Variants in CACNA2D3 observed in about 807,000 individuals in gnomAD.
CACNA2D3 encodes the protein calcium voltage-gated channel auxiliary subunit alpha2delta 3.
CACNA2D3 carries 60 observed loss-of-function variants against 160.6 expected under a neutral mutation model. That is an observed-to-expected ratio of 0.37 (90% CI 0.30 to 0.46). The LOEUF (loss-of-function observed/expected upper bound fraction) is 0.46, where lower values mean the gene tolerates loss of function less well. Among genes scored for constraint, CACNA2D3 ranks in the 20% least tolerant of loss-of-function variants. CACNA2D3 has a pLI of 1.00. For missense variants in CACNA2D3, 1,205 were observed against 1,365.0 expected, an observed-to-expected ratio of 0.88 and a Z score of 1.85; for synonymous variants, 558 against 492.9, an observed-to-expected ratio of 1.13 and a Z score of -1.75.
intron 4 of CACNA2D3, among the ~76,000 whole-genome samples, chr3:54,458,937 A>T (rs1285302111): frequency 6.6e-6 from 1 of 151,812 alleles, no homozygotes; most frequent in Non-Finnish European, 1.5e-5. Context: ...CCCACCCCAC[A>T]ACAGGCCCCA....
At chr3:54,298,495 T>C (rs1703389326) in intron 2 of CACNA2D3, among the ~76,000 whole-genome samples, 1 of 152,146 alleles carries the variant, frequency 6.6e-6, no homozygotes, top group Non-Finnish European at 1.5e-5. Context: ...ATTAATTCCT[T>C]AGGATTAAGA....
At chr3:54,675,819 C>G (rs1385094965) in intron 11 of CACNA2D3, among the ~76,000 whole-genome samples, 1 of 152,188 alleles carries the variant, frequency 6.6e-6, no homozygotes, top group Non-Finnish European at 1.5e-5. Context: ...AGACCTACAA[C>G]AGGCAGGCCT....
At chr3:54,849,504 A>G (rs1382243761) in intron 17 of CACNA2D3, among the ~76,000 whole-genome samples, 1 of 152,142 alleles carries the variant, frequency 6.6e-6, no homozygotes, top group Non-Finnish European at 1.5e-5. Context: ...GGAGGTTGTA[A>G]ATGACTTGTG....
chr3:54,238,007 C>T (rs1042669987), intron 2 of CACNA2D3, among the ~76,000 whole-genome samples: 3 of 152,166 alleles, frequency 2.0e-5, no homozygotes, highest in Non-Finnish European at 4.4e-5. Flanking sequence ...CTCCCAGTCA[C>T]ATGAAACCTG....
At chr3:54,431,152 C>T (rs972535678) in intron 4 of CACNA2D3, among the ~76,000 whole-genome samples, 2 of 151,832 alleles carry the variant, frequency 1.3e-5, no homozygotes, top group South Asian at 4.2e-4. Context: ...TCCTGGCTAA[C>T]ATGGTGAAAC....
intron 33 of CACNA2D3, among the ~76,000 whole-genome samples, chr3:55,008,577 TCTTAA>T (rs773213647): frequency 1.8e-4 from 27 of 152,152 alleles, no homozygotes; most frequent in East Asian, 1.9e-4. Flanking sequence ...GTCACTGTCC[TCTTAA>T]CTTAATGTAA....
At chr3:54,401,134 A>G (rs1699455300) in intron 4 of CACNA2D3, among the ~76,000 whole-genome samples, 1 of 152,082 alleles carries the variant, frequency 6.6e-6, no homozygotes, top group South Asian at 2.1e-4. Context: ...ATCAGACTAG[A>G]TCAAGCAGAA....
At chr3:54,754,798 G>A (rs1701940624) in intron 12 of CACNA2D3, among the ~76,000 whole-genome samples, 1 of 152,122 alleles carries the variant, frequency 6.6e-6, no homozygotes, top group Non-Finnish European at 1.5e-5. Context: ...GGGTTTGTGG[G>A]TCTTAGCTCC....
intron 2 of CACNA2D3, among the ~76,000 whole-genome samples, chr3:54,210,526 G>C (rs1323567366): frequency 6.6e-6 from 1 of 152,046 alleles, no homozygotes. Flanking sequence ...ATGTGAACTT[G>C]GTAAGGTCAC....
At chr3:54,494,023 C>T (rs899657621) in intron 4 of CACNA2D3, among the ~76,000 whole-genome samples, 1 of 152,214 alleles carries the variant, frequency 6.6e-6, no homozygotes, top group Non-Finnish European at 1.5e-5. Context: ...GTGAACAACA[C>T]ACCCAGTACT....
At chr3:54,786,862 A>G (rs1284485075) in intron 13 of CACNA2D3, among the ~76,000 whole-genome samples, 2 of 152,230 alleles carry the variant, frequency 1.3e-5, no homozygotes, top group Non-Finnish European at 2.9e-5. Flanking sequence ...TGTGGCTCAC[A>G]TGCCCAATAC....
At chr3:54,139,149 G>A (rs1409034869) in intron 2 of CACNA2D3, among the ~76,000 whole-genome samples, 1 of 152,234 alleles carries the variant, frequency 6.6e-6, no homozygotes, top group Non-Finnish European at 1.5e-5. Context: ...AGTTCCAGAG[G>A]ACAGCAGATC....
intron 10 of CACNA2D3, among the ~76,000 whole-genome samples, chr3:54,641,219 A>G (rs1408949153): frequency 2.0e-5 from 3 of 152,344 alleles, no homozygotes; most frequent in Admixed American, 6.5e-5. Context: ...ACAGGCAAAG[A>G]CATAATACAT....
chr3:54,505,394 T>G (rs1046016757), intron 5 of CACNA2D3, among the ~76,000 whole-genome samples: 1 of 152,198 alleles, frequency 6.6e-6, no homozygotes, highest in African/African-American at 2.4e-5. Context: ...TTTTTCTTTT[T>G]TCCTCTTAGA....
intron 9 of CACNA2D3, among the ~76,000 whole-genome samples, chr3:54,612,791 C>T (rs911925739): frequency 1.3e-5 from 2 of 152,162 alleles, no homozygotes; most frequent in African/African-American, 4.8e-5. Context: ...ACCTGCTAAT[C>T]GCCCCATTTA....
intron 2 of CACNA2D3, among the ~76,000 whole-genome samples, chr3:54,128,327 C>T (rs371022447): frequency 2.6e-5 from 4 of 152,120 alleles, no homozygotes; most frequent in Admixed American, 6.5e-5. Flanking sequence ...AAAAGAAATG[C>T]GAAACCATCA....
intron 4 of CACNA2D3, among the ~76,000 whole-genome samples, chr3:54,464,218 A>G: frequency 6.6e-6 from 1 of 152,204 alleles, no homozygotes; most frequent in Admixed American, 6.5e-5. Flanking sequence ...CTTGGGGGTC[A>G]GGGGTCAGGG....
intron 27 of CACNA2D3, among the ~76,000 whole-genome samples, chr3:54,955,946 A>G (rs1438645294): frequency 3.9e-5 from 6 of 152,126 alleles, no homozygotes; most frequent in Non-Finnish European, 8.8e-5. Flanking sequence ...AAAAATTGGT[A>G]TTCTCCACTC....
At chr3:54,215,608 A>C (rs956876530) in intron 2 of CACNA2D3, among the ~76,000 whole-genome samples, 3 of 152,184 alleles carry the variant, frequency 2.0e-5, no homozygotes, top group African/African-American at 7.2e-5. Flanking sequence ...CTCTTTTCCA[A>C]GTGAACGGCG....
Sources: gnomAD v4.1 joint callset for allele counts (sites outside exome capture counted in the v4.1 genomes callset) on GRCh38, gnomAD v4.1.1 for gene constraint, MANE v1.5 for transcripts, NCBI Gene and HGNC (gene_info 2026-07-23, HGNC 2026-07-21) for gene names.